Variants in TRPM1 observed in about 807,000 individuals in gnomAD.
TRPM1 encodes TRPM1-203 APA Isoform, Intron 10.
TRPM1 carries 113 observed loss-of-function variants against 149.4 expected under a neutral mutation model. The ratio of observed to expected loss-of-function variants is 0.76; its 90% confidence interval spans 0.65 to 0.88. TRPM1 has a LOEUF of 0.88. TRPM1 is among the 40% of genes least tolerant of loss of function. The pLI is 0.00. For synonymous variants in TRPM1, 741 were observed against 759.5 expected (o/e 0.98, Z 0.40); for missense variants, 1,976 against 2,038.7 (o/e 0.97, Z 0.59).
At chr15:31,027,589 C>G (rs1426022578) in intron 25 of TRPM1, among the ~76,000 whole-genome samples, 1 of 152,134 alleles carries the variant, frequency 6.6e-6, no homozygotes, top group Admixed American at 6.5e-5. Context: ...TAGCTTCCAA[C>G]AGGAAGCAGT....
At position 31,135,298 on chromosome 15, in the gene TRPM1, A is replaced by G. The variant is rs552855697; in HGVS notation, c.54+25608T>C. On this transcript the variant is annotated intron_variant, in intron 1 of 26. Transcript: ENST00000542188. ...AAGGTTACACACCACCATAGCCAATATGGGCTTCCTAGGAAGAAAGGAGAA... is the reference window on the plus strand; with the variant it reads ...AAGGTTACACACCACCATAGCCAATGTGGGCTTCCTAGGAAGAAAGGAGAA... Among the ~76,000 whole-genome samples the G allele has an allele frequency of 5.0e-3, 766 of 152,264 alleles. 5 individuals are homozygous for G. Among genetic ancestry groups the G allele is most frequent in the African/African-American group, 0.017 (710 of 41,544 alleles).
chr15:31,006,911 C>T (rs2032010637), intron 27 of TRPM1, among the ~76,000 whole-genome samples: 2 of 152,082 alleles, frequency 1.3e-5, no homozygotes, highest in African/African-American at 4.8e-5. Context: ...ATTTAACAAC[C>T]TTATGTCCTC....
In TRPM1 at chr15:31,038,148, G is replaced by A. The variant is rs1035384849; in HGVS notation, c.2335C>T (p.Leu779=). Residue 779 remains leucine, a synonymous_variant, in exon 19 of 28, where the codon CTA becomes TTA. Transcript: ENST00000256552. Reference sequence around the variant, plus strand: ...TCCAAAAACAAGATGGTGGGGGGTAGAAGAATCCCCATGATAACCTACGGA... The same window carrying A: ...TCCAAAAACAAGATGGTGGGGGGTAAAAGAATCCCCATGATAACCTACGGA... ...PGLKVIMGIL[L]PPTILFLEFR... is the part of the protein sequence containing the mutation. 1.2e-6 allele frequency: 2 copies of A among 1,614,092 alleles called. No homozygotes were observed. The highest frequency in any genetic ancestry group is 1.7e-6 in the Non-Finnish European group (2 of 1,179,954).
At chr15:31,046,911 A>G (rs972759422) in intron 15 of TRPM1, among the ~76,000 whole-genome samples, 200 bp downstream of exon 15, 3 of 152,240 alleles carry the variant, frequency 2.0e-5, no homozygotes, top group African/African-American at 7.2e-5. Flanking sequence ...GGCAAATGCA[A>G]TGGATGGGCG....
chr15:31,001,663 C>T lies in TRPM1; in HGVS notation c.*159G>A, dbSNP rs1227609181. On this transcript the variant is annotated 3_prime_UTR_variant, in exon 28 of 28. Transcript: ENST00000256552. ...AACTAAGCCTACTAACATATGCTAA[C>T]AAAATACTACTTTTAGTGCATTAAA... The T allele has an allele frequency of 1.4e-6, 1 of 728,702 alleles. No homozygotes were observed. The highest frequency in any genetic ancestry group is 2.2e-6 in the Non-Finnish European group (1 of 452,376). The allele number at this position is 728,702 out of a possible 1,614,324, so 45.1% of individuals were successfully genotyped here.
chr15:31,116,190 G>A (rs368514024), intron 1 of TRPM1, among the ~76,000 whole-genome samples: 4 of 152,144 alleles, frequency 2.6e-5, no homozygotes, highest in African/African-American at 9.7e-5. Context: ...TCTTCCCAGT[G>A]TTGGAAGGGA....
rs1243995051 is a variant in TRPM1 at position 31,049,402 on chromosome 15, A to C, written c.1545T>G (p.Ile515Met). ...TGTTATAAAGCTCCTCCAGCCTCGG[A>C]ATGGTCAGAAAGTGTTGCATGTTCA... Reference protein sequence around the residue: ...NGVNMQHFLTIPRLEELYNTR... With the variant: ...NGVNMQHFLTMPRLEELYNTR... The change falls in exon 13 of 28, where the codon ATT (isoleucine) becomes ATG (methionine). Residue 515 changes from isoleucine to methionine, a missense_variant. Coordinates refer to ENST00000256552, the MANE Select transcript of TRPM1 (RefSeq NM_001252024.2). 1.2e-5 allele frequency: 19 copies of C among 1,614,014 alleles called. No homozygotes were observed. Among genetic ancestry groups the C allele is most frequent in the Non-Finnish European group, 1.5e-5 (18 of 1,180,026 alleles).
At chr15:31,039,762 T>A (rs1396762009) in intron 18 of TRPM1, among the ~76,000 whole-genome samples, 1 of 152,134 alleles carries the variant, frequency 6.6e-6, no homozygotes. Flanking sequence ...CCTTTAATGG[T>A]GGGTAGACGA....
At chr15:31,039,786 C>T (rs143028394) in intron 18 of TRPM1, among the ~76,000 whole-genome samples, 13 of 152,212 alleles carry the variant, frequency 8.5e-5, no homozygotes, top group Non-Finnish European at 1.8e-4. Context: ...AACCAGGGTG[C>T]GTGTGCATAC....
chr15:31,028,286 T>A, intron 25 of TRPM1, 46 bp downstream of exon 25: 1 of 1,612,362 alleles, frequency 6.2e-7, no homozygotes, highest in Non-Finnish European at 8.5e-7. Context: ...GGAAAATCTG[T>A]ACAGTAATAA....
At chr15:31,061,414 C>G in intron 10 of TRPM1, 28 bp downstream of exon 10, 13 of 1,609,288 alleles carry the variant, frequency 8.1e-6, no homozygotes, top group Non-Finnish European at 8.5e-6. Flanking sequence ...ATCAGAGGGA[C>G]AGGAGTCACC....
intron 22 of TRPM1, 25 bp downstream of exon 22, chr15:31,032,664 A>G (rs775229455): frequency 1.2e-6 from 2 of 1,614,196 alleles, no homozygotes; most frequent in Admixed American, 3.3e-5. Flanking sequence ...GTCTCTCTGG[A>G]TACCCACAGG....
At position 31,116,946 on chromosome 15, in the gene TRPM1, C is replaced by T. The variant is rs550251758; in HGVS notation, c.55-39962G>A. Among the ~76,000 whole-genome samples, 5 of 152,260 alleles carry T rather than the reference C, an allele frequency of 3.3e-5. No individual in the cohort carries two copies. The South Asian group carries it at 8.3e-4, about 25-fold the overall frequency. On this transcript the variant is annotated intron_variant, in intron 1 of 26. Transcript: ENST00000542188. ...AAAATAATTACAAGGTATGCCAAAA[C>T]GCAAGAAAAGGCAGTGTGAAGAGAG...
chr15:31,112,787 C>T (rs1373838206), intron 1 of TRPM1, among the ~76,000 whole-genome samples: 1 of 152,142 alleles, frequency 6.6e-6, no homozygotes, highest in Admixed American at 6.6e-5. Context: ...CTGTATTTTC[C>T]TCTTGGAGAT....
In TRPM1 at chr15:31,002,606, A is replaced by G; in HGVS notation, c.4094T>C (p.Val1365Ala). 6.2e-7 allele frequency: 1 copy of G among 1,614,140 alleles called. No individual in the cohort carries two copies. Among genetic ancestry groups the G allele is most frequent in the East Asian group, 2.2e-5 (1 of 44,888 alleles). The part of the protein sequence containing the change: ...SATPDGSHLA[V>A]DDLKNAEESK... ...CTCTTCAGCGTTCTTTAAGTCATCT[A>G]CTGCAAGGTGACTGCCATCTGGGGT... is the stretch of plus-strand genomic sequence containing the variant. Residue 1365 changes from valine (V) to alanine (A), a missense_variant, in exon 28 of 28, where the codon GTA (valine) becomes GCA (alanine). Around this residue, in one of 3 missense-constraint regions of TRPM1, gnomAD observed 572 missense variants for 578.9 expected, o/e 0.99. Coordinates refer to ENST00000256552, the MANE Select transcript of TRPM1 (RefSeq NM_001252024.2).
intron 27 of TRPM1, among the ~76,000 whole-genome samples, chr15:31,012,742 C>A (rs570895123): frequency 3.3e-5 from 5 of 152,102 alleles, no homozygotes; most frequent in Non-Finnish European, 5.9e-5. Context: ...TCTCATGATG[C>A]CTATGTTGTT....
At chr15:31,132,799 C>T (rs11638121) in intron 1 of TRPM1, among the ~76,000 whole-genome samples, 23,120 of 152,088 alleles carry the variant, frequency 0.15, 1,877 homozygotes, top group Middle Eastern at 0.19. Flanking sequence ...GCGCTGTTCC[C>T]GTGGTAGTGA....
At chr15:31,140,006 C>T (rs369983247) in intron 1 of TRPM1, among the ~76,000 whole-genome samples, 24 of 152,170 alleles carry the variant, frequency 1.6e-4, no homozygotes, top group African/African-American at 5.3e-4. Flanking sequence ...AATTGCTGAA[C>T]ATAAGTTTAA....
intron 1 of TRPM1, among the ~76,000 whole-genome samples, chr15:31,125,762 A>T (rs1316887461): frequency 1.0e-4 from 15 of 149,628 alleles, no homozygotes; most frequent in African/African-American, 3.2e-4. Context: ...AAAAATTATT[A>T]AAAAATTAAA....
Sources: gnomAD v4.1 joint callset for allele counts (sites outside exome capture counted in the v4.1 genomes callset) on GRCh38, gnomAD v4.1.1 for gene constraint, gnomAD v4.1.1 regional missense constraint, MANE v1.5 for transcripts, NCBI Gene and HGNC (gene_info 2026-07-23, HGNC 2026-07-21) for gene names.